The following RNF6 variants were observed in gnomAD, a reference collection of about 807,000 sequenced individuals.
RNF6 encodes the protein E3 ubiquitin-protein ligase RNF6.
RNF6 carries 21 observed loss-of-function variants against 50.1 expected under a neutral mutation model. That is an observed-to-expected ratio of 0.42 (90% CI 0.30 to 0.60). RNF6 has a LOEUF of 0.60. Ranked by LOEUF, RNF6 falls within the 20% of genes least tolerant of loss-of-function variation. The pLI is 0.20. For missense variants in RNF6, 698 were observed against 838.2 expected (o/e 0.83, Z 2.07); for synonymous variants, 255 against 291.8 (o/e 0.87, Z 1.29).
rs1052458500 is a variant in RNF6, at chr13:26,215,440, G to A, written c.442C>T (p.Arg148Trp). 23 of 1,613,998 alleles carry A rather than the reference G, an allele frequency of 1.4e-5. No homozygotes were observed. Among genetic ancestry groups the A allele is most frequent in the Admixed American group, 1.3e-4 (8 of 60,010 alleles). ...TTTACGTGGATTTCCAAACTAAACC[G>A]AAACTCTCCATTGTTCGGGTTTGTT... The part of the protein sequence containing the change: ...SRTNPNNGEF[R>W]FSLEIHVNHE... The change falls in exon 5 of 5, where the codon CGG becomes TGG. Residue 148 changes from arginine (R) to tryptophan (W), a missense_variant. By Grantham distance (101) the Arg-to-Trp change is moderately radical. Coordinates refer to ENST00000381588, the MANE Select transcript of RNF6 (RefSeq NM_005977.4).
Position 26,186,477 on chromosome 13 carries a change from A to C in RNF6, n.768+28997T>G, listed in dbSNP as rs534867878. ...CGTGGGCCCCGCAGCCAGTCGCGCT[A>C]CCGACTGGCAGTCAGCGGAGACGCT... On this transcript the variant is annotated intron_variant and non_coding_transcript_variant, in intron 5 of 5. Coordinates refer to the RNF6 transcript ENST00000468480. 2.8e-4 allele frequency among the ~76,000 whole-genome samples: 43 copies of C among 152,320 alleles called. 1 individual carries two copies. Among genetic ancestry groups the C allele is most frequent in the African/African-American group, 9.9e-4 (41 of 41,588 alleles).
chr13:26,157,576 T>A (rs4769475), intron 5 of RNF6, among the ~76,000 whole-genome samples: 111,778 of 152,114 alleles, frequency 0.73, 41,267 homozygotes, highest in East Asian at 0.83. Context: ...AGGCACAAAC[T>A]AGTAATTATT....
chr13:26,165,096 G>C (rs746309295), intron 5 of RNF6, among the ~76,000 whole-genome samples: 4 of 152,160 alleles, frequency 2.6e-5, no homozygotes, highest in Non-Finnish European at 5.9e-5. Flanking sequence ...CAGGTCCATG[G>C]TTCCTATGCT....
chr13:26,204,675 CTA>C (rs899366116), intron 5 of RNF6, among the ~76,000 whole-genome samples: 1 of 152,032 alleles, frequency 6.6e-6, no homozygotes, highest in East Asian at 1.9e-4. Flanking sequence ...GCCTGAGATT[CTA>C]TAAGTCTGTA....
chr13:26,215,789 T>G (rs1417455860), intron 4 of RNF6, among the ~76,000 whole-genome samples, 197 bp from the exon 5 acceptor site: 1 of 152,238 alleles, frequency 6.6e-6, no homozygotes, highest in Non-Finnish European at 1.5e-5. Context: ...ATTAAATTAC[T>G]ATTTACATAG....
chr13:26,201,397 A>G (rs1868893287), intron 5 of RNF6, among the ~76,000 whole-genome samples: 1 of 152,126 alleles, frequency 6.6e-6, no homozygotes, highest in Non-Finnish European at 1.5e-5. Flanking sequence ...CACAAAAACC[A>G]GGTGGAATGG....
chr13:26,160,458 A>G (rs1872141227), intron 5 of RNF6, among the ~76,000 whole-genome samples: 2 of 151,710 alleles, frequency 1.3e-5, no homozygotes, highest in Non-Finnish European at 2.9e-5. Flanking sequence ...TCCTGGGCTC[A>G]AGTGATTCTC....
intron 5 of RNF6, among the ~76,000 whole-genome samples, chr13:26,200,706 G>C (rs1868866375): frequency 6.6e-6 from 1 of 152,068 alleles, no homozygotes; most frequent in Non-Finnish European, 1.5e-5. Context: ...TGCCTGGCCT[G>C]AAATTCTTAA....
At chr13:26,153,068 G>A (rs1187085251) in intron 5 of RNF6, among the ~76,000 whole-genome samples, 2 of 151,696 alleles carry the variant, frequency 1.3e-5, no homozygotes, top group African/African-American at 4.8e-5. Context: ...CAGGAGAATT[G>A]CTTGAACCCA....
chr13:26,174,357 C>G (rs966375959), intron 5 of RNF6, among the ~76,000 whole-genome samples: 1 of 151,970 alleles, frequency 6.6e-6, no homozygotes, highest in Non-Finnish European at 1.5e-5. Context: ...AAAGGGACAG[C>G]AAACTGAAAT....
rs573766361 is a variant in RNF6, at chr13:26,218,566, G to A, written c.234C>T (p.Gly78=). ...GCTGAGATGCTAGTTGTTCCTTGAC[G>A]CCATCTAACCGCTGTTGCAGTTCTT... is the stretch of plus-strand genomic sequence containing the variant. ...TSEELQQRLD[G]VKEQLASQPD... Residue 78 remains glycine, a synonymous_variant, in exon 4 of 5, where the codon GGC becomes GGT. Coordinates refer to ENST00000381588, the MANE Select transcript of RNF6 (RefSeq NM_005977.4). 8 of 1,613,810 alleles carry A rather than the reference G, an allele frequency of 5.0e-6. No individual in the cohort carries two copies. The highest frequency in any genetic ancestry group is 3.3e-5 in the South Asian group (3 of 91,068).
chr13:26,217,717 T>C (rs549012600), intron 4 of RNF6, among the ~76,000 whole-genome samples: 1 of 152,370 alleles, frequency 6.6e-6, no homozygotes, highest in African/African-American at 2.4e-5. Flanking sequence ...ATGTGGCTAG[T>C]ATGAATGAGC....
intron 5 of RNF6, among the ~76,000 whole-genome samples, chr13:26,166,124 A>G (rs1314168437): frequency 2.0e-5 from 3 of 152,140 alleles, no homozygotes; most frequent in African/African-American, 7.2e-5. Context: ...GATAGTGAAT[A>G]AGTCTCACGA....
At chr13:26,164,884 C>T (rs1195352037) in intron 5 of RNF6, among the ~76,000 whole-genome samples, 1 of 152,116 alleles carries the variant, frequency 6.6e-6, no homozygotes, top group Non-Finnish European at 1.5e-5. Flanking sequence ...AAATTTGCAG[C>T]CTGATGATGC....
At chr13:26,136,438 T>G (rs1036481738) in intron 5 of RNF6, among the ~76,000 whole-genome samples, 7 of 152,212 alleles carry the variant, frequency 4.6e-5, no homozygotes, top group Non-Finnish European at 1.0e-4. Flanking sequence ...AAACTACACT[T>G]GAGGCTTCTC....
intron 5 of RNF6, among the ~76,000 whole-genome samples, chr13:26,165,429 G>A (rs901734452): frequency 5.3e-5 from 8 of 152,280 alleles, no homozygotes; most frequent in African/African-American, 7.2e-5. Context: ...TCTCTACTGC[G>A]GCACTGCCTA....
chr13:26,185,134 C>A (rs548737054), intron 5 of RNF6, among the ~76,000 whole-genome samples: 6 of 152,156 alleles, frequency 3.9e-5, no homozygotes, highest in Admixed American at 1.3e-4. Flanking sequence ...GCAGCTGGGA[C>A]AACAGGCGCA....
At chr13:26,147,369 C>G (rs952904529) in intron 5 of RNF6, among the ~76,000 whole-genome samples, 1 of 152,200 alleles carries the variant, frequency 6.6e-6, no homozygotes, top group African/African-American at 2.4e-5. Flanking sequence ...AGGCAACTCT[C>G]TCAGAGGAGG....
chr13:26,210,956 GA>G (rs1482031027), downstream of RNF6, among the ~76,000 whole-genome samples: 12 of 152,346 alleles, frequency 7.9e-5, no homozygotes, highest in Admixed American at 5.2e-4. Flanking sequence ...TCTAGAAATA[GA>G]AGTTTGCCAG....
Sources: allele counts gnomAD v4.1 joint callset (sites outside exome capture counted in the v4.1 genomes callset), GRCh38; gene constraint gnomAD v4.1.1; transcripts MANE v1.5; gene names NCBI Gene and HGNC (gene_info 2026-07-23, HGNC 2026-07-21).